Variants in CCDC63 observed in about 807,000 individuals in gnomAD.
CCDC63 encodes the protein coiled-coil domain containing 63, also known as coiled-coil domain-containing protein 63.
CCDC63 carries 54 observed loss-of-function variants against 63.6 expected under a neutral mutation model. The observed-to-expected ratio is 0.85, with a 90% CI of 0.68 to 1.07. The LOEUF (loss-of-function observed/expected upper bound fraction) is 1.07, where lower values mean the gene tolerates loss of function less well. Ranked by LOEUF, CCDC63 falls within the 50% of genes least tolerant of loss-of-function variation. CCDC63 has a pLI of 0.00. For synonymous variants in CCDC63, 253 were observed against 266.1 expected (o/e 0.95, Z 0.48); for missense variants, 637 against 689.6 (o/e 0.92, Z 0.86).
At position 110,888,849 on chromosome 12, in the gene CCDC63, CCTTCCTTCCTTCG is replaced by C. The variant is rs1592778345; in HGVS notation, c.1075-4226_1075-4214del. 5.8e-5 allele frequency among the ~76,000 whole-genome samples: 4 copies of C among 69,098 alleles called. 1 individual carries two copies. The East Asian group carries it at 9.2e-4, about 16-fold the overall frequency. 45.3% of individuals were successfully genotyped at this position (69,098 alleles called of 152,430 possible). A position where few individuals can be genotyped will look rare whatever the true frequency, so the allele number is the denominator to read the frequency against. On this transcript the variant is annotated intron_variant, in intron 8 of 11. Coordinates refer to ENST00000308208, the MANE Select transcript of CCDC63 (RefSeq NM_152591.3). The stretch of plus-strand genomic sequence containing the variant: ...TCCTTCCTTCCTTCCTTCCTTCCTT[CCTTCCTTCCTTCG>C]TTTTTCTTTCTTTTTCTTTCTTCTT...
intron 9 of CCDC63, among the ~76,000 whole-genome samples, chr12:110,895,496 A>G (rs2071407082): frequency 1.3e-5 from 2 of 151,902 alleles, no homozygotes; most frequent in South Asian, 4.2e-4. Flanking sequence ...TATTCTTGAA[A>G]CCCTTTATTT....
intron 3 of CCDC63, among the ~76,000 whole-genome samples, chr12:110,857,466 C>T (rs1370128616): frequency 6.6e-6 from 1 of 152,142 alleles, no homozygotes; most frequent in African/African-American, 2.4e-5. Flanking sequence ...GTGTCCAAAA[C>T]TTTTGAAGCA....
intron 5 of CCDC63, 52 bp from the exon 6 acceptor site, chr12:110,879,854 T>G (rs2071174928): frequency 6.3e-7 from 1 of 1,582,844 alleles, no homozygotes; most frequent in African/African-American, 1.3e-5. Flanking sequence ...TCTGGTAGCT[T>G]ATCTTACAAA....
At position 110,849,597 on chromosome 12, in the gene CCDC63, C is replaced by T. The variant is rs190235723; in HGVS notation, c.-97+2492C>T. On this transcript the variant is annotated intron_variant, in intron 1 of 11. Transcript: ENST00000308208. ...CACTGCAACCTCCATCTCCCAGGCTCGAGTGATTCTCCTGCCTCAGCCTCT... is the reference window on the plus strand; with the variant it reads ...CACTGCAACCTCCATCTCCCAGGCTTGAGTGATTCTCCTGCCTCAGCCTCT... Among the ~76,000 whole-genome samples the T allele has an allele frequency of 2.6e-4, 39 of 150,372 alleles. 1 individual carries two copies. Among genetic ancestry groups the T allele is most frequent in the African/African-American group, 8.3e-4 (34 of 40,994 alleles).
At chr12:110,888,072 A>G (rs1305245808) in intron 8 of CCDC63, among the ~76,000 whole-genome samples, 1 of 152,170 alleles carries the variant, frequency 6.6e-6, no homozygotes, top group African/African-American at 2.4e-5. Flanking sequence ...AGTTCCTACA[A>G]ACGGAGCCAT....
chr12:110,863,491 T>C lies in CCDC63; in HGVS notation c.369+4716T>C, dbSNP rs980126431. Among the ~76,000 whole-genome samples the C allele has an allele frequency of 2.6e-5, 4 of 152,056 alleles. No individual in the cohort carries two copies. In the South Asian group the frequency reaches 8.3e-4, roughly 32 times the overall value. On this transcript the variant is annotated intron_variant, in intron 4 of 11. Coordinates refer to ENST00000308208, the MANE Select transcript of CCDC63 (RefSeq NM_152591.3). ...AGAGGGTAGAGGTTTGTTGTTATTATGTTGTTATCACATAACAAAATATCT... is the reference window on the plus strand; with the variant it reads ...AGAGGGTAGAGGTTTGTTGTTATTACGTTGTTATCACATAACAAAATATCT...
At chr12:110,851,511 G>C (rs1349307031) in intron 1 of CCDC63, among the ~76,000 whole-genome samples, 1 of 152,096 alleles carries the variant, frequency 6.6e-6, no homozygotes, top group Non-Finnish European at 1.5e-5. Context: ...GAAATCCCAG[G>C]CTAGAGGGCT....
intron 1 of CCDC63, among the ~76,000 whole-genome samples, chr12:110,851,152 T>C (rs910407535): frequency 6.6e-6 from 1 of 152,226 alleles, no homozygotes; most frequent in Non-Finnish European, 1.5e-5. Flanking sequence ...CTCATTTGGT[T>C]GCAAGCAATA....
Position 110,870,158 on chromosome 12 carries a change from C to T in CCDC63, c.370-3684C>T, listed in dbSNP as rs185455397. On this transcript the variant is annotated intron_variant, in intron 4 of 11. Coordinates refer to ENST00000308208, the MANE Select transcript of CCDC63 (RefSeq NM_152591.3). ...AGTGCAATGGCATGATCTCGGCTCA[C>T]TGCAACCTCTACCTCCCAGGATCAA... is the stretch of plus-strand genomic sequence containing the variant. Among the ~76,000 whole-genome samples, 189 of 152,340 alleles carry T rather than the reference C, an allele frequency of 1.2e-3. 1 individual carries two copies. The highest frequency in any genetic ancestry group is 4.4e-3 in the African/African-American group (181 of 41,580).
chr12:110,865,477 A>AAAG (rs2070933793), intron 4 of CCDC63, among the ~76,000 whole-genome samples: 2 of 151,476 alleles, frequency 1.3e-5, no homozygotes, highest in African/African-American at 4.8e-5. Context: ...AAAAAAAAAA[A>AAAG]AAAAAGAAAA....
Position 110,879,915 on chromosome 12 carries a change from C to T in CCDC63, c.499C>T (p.His167Tyr). ...LETRLNLVTV[H>Y]FDKMLTTNAK... ...ATGGCCCTTTCAACAGGTCACTGTT[C>T]ACTTTGACAAGATGCTGACCACTAA... Residue 167 changes from histidine (H) to tyrosine (Y), a missense_variant, in exon 6 of 12, where the codon CAC (histidine) becomes TAC (tyrosine). Coordinates refer to ENST00000308208, the MANE Select transcript of CCDC63 (RefSeq NM_152591.3). 1 of 1,614,146 alleles carries T rather than the reference C, an allele frequency of 6.2e-7. No individual in the cohort carries two copies. The highest frequency in any genetic ancestry group is 8.5e-7 in the Non-Finnish European group (1 of 1,180,008).
At chr12:110,856,018 C>T (rs1371464862) in intron 3 of CCDC63, among the ~76,000 whole-genome samples, 1 of 152,066 alleles carries the variant, frequency 6.6e-6, no homozygotes, top group Non-Finnish European at 1.5e-5. Context: ...CAGTCCTGGC[C>T]TTGCCTGCAA....
chr12:110,886,495 A>G (rs1209357060), intron 8 of CCDC63, among the ~76,000 whole-genome samples: 1 of 152,204 alleles, frequency 6.6e-6, no homozygotes, highest in Non-Finnish European at 1.5e-5. Context: ...ATCTAAGGAA[A>G]TTAAGAAGGG....
At chr12:110,866,848 G>C (rs1480045743) in intron 4 of CCDC63, among the ~76,000 whole-genome samples, 2 of 149,678 alleles carry the variant, frequency 1.3e-5, no homozygotes, top group Non-Finnish European at 3.0e-5. Flanking sequence ...CCTCCCAGAC[G>C]GGGTGGTGGC....
Position 110,907,338 on chromosome 12 carries a change from G to A in CCDC63, c.1554G>A (p.Gln518=), listed in dbSNP as rs577935106. The A allele has an allele frequency of 3.7e-5, 59 of 1,613,598 alleles. No homozygotes were observed. The South Asian group carries it at 6.3e-4, about 17-fold the overall frequency. ...PFSDRLDDVE[Q]PLDHSSLRQL... is the part of the protein sequence containing the mutation. ...AATCTGATCTTGGTGCAGTGGAACAGCCCCTGGACCACAGCAGCCTTCGGC... is the reference window on the plus strand; with the variant it reads ...AATCTGATCTTGGTGCAGTGGAACAACCCCTGGACCACAGCAGCCTTCGGC... The change falls in exon 12 of 12, where the codon CAG becomes CAA. Residue 518 remains glutamine (Q), a synonymous_variant. Transcript: ENST00000308208. This position sits in a 1 kb window ranked among gnomAD's most constrained non-coding sequence, Gnocchi z 4.4.
chr12:110,847,566 G>GAA (rs60968677), intron 1 of CCDC63, among the ~76,000 whole-genome samples: 90 of 146,832 alleles, frequency 6.1e-4, no homozygotes, highest in African/African-American at 1.2e-3. Context: ...CTCAAAAAAG[G>GAA]AAAAAAAAAA....
rs552313960 is a variant in CCDC63 at position 110,865,166 on chromosome 12, A to T, written c.369+6391A>T. ...CACGGTGGCCTTGGATATGGGAGGA[A>T]TGGATGTGGGGAGCCACCAGCCACT... is the stretch of plus-strand genomic sequence containing the variant. On this transcript the variant is annotated intron_variant, in intron 4 of 11. Coordinates refer to ENST00000308208, the MANE Select transcript of CCDC63 (RefSeq NM_152591.3). Among the ~76,000 whole-genome samples, 5 of 152,296 alleles carry T rather than the reference A, an allele frequency of 3.3e-5. No homozygotes were observed. In the East Asian group the frequency reaches 9.6e-4, roughly 29 times the overall value.
chr12:110,866,937 C>T (rs1468562345), intron 4 of CCDC63, among the ~76,000 whole-genome samples: 2 of 144,770 alleles, frequency 1.4e-5, no homozygotes, highest in African/African-American at 2.5e-5. Flanking sequence ...GGCGGCTGGC[C>T]GGGCGGGGGG....
intron 4 of CCDC63, among the ~76,000 whole-genome samples, chr12:110,870,915 T>C (rs1369348385): frequency 2.0e-5 from 3 of 152,168 alleles, no homozygotes; most frequent in Non-Finnish European, 4.4e-5. Flanking sequence ...TGCTTCCCTT[T>C]CTTGGGCAGA....
Sources: allele counts gnomAD v4.1 joint callset (sites outside exome capture counted in the v4.1 genomes callset), GRCh38; gene constraint gnomAD v4.1.1; non-coding constraint Gnocchi (gnomAD v3.1); transcripts MANE v1.5; gene names NCBI Gene and HGNC (gene_info 2026-07-23, HGNC 2026-07-21).